The following DNAJC5B variants were observed in gnomAD, a reference collection of about 807,000 sequenced individuals.
The protein encoded by DNAJC5B is dnaJ homolog subfamily C member 5B.
In DNAJC5B, 23 loss-of-function variants were observed where a neutral mutation model predicts 24.7. The observed-to-expected ratio is 0.93, with a 90% CI of 0.67 to 1.32. DNAJC5B has a LOEUF of 1.32. Ranked by LOEUF, DNAJC5B falls within the 40% of genes most tolerant of loss-of-function variation. DNAJC5B has a pLI of 0.00. For synonymous variants in DNAJC5B, 101 were observed against 90.1 expected, an observed-to-expected ratio of 1.12 and a Z score of -0.68; for missense variants, 238 against 240.8, an observed-to-expected ratio of 0.99 and a Z score of 0.08.
upstream of DNAJC5B, among the ~76,000 whole-genome samples, chr8:66,020,713 T>C (rs1806096180): frequency 6.6e-6 from 1 of 151,646 alleles, no homozygotes; most frequent in South Asian, 2.1e-4. Flanking sequence ...TCTCAACTCA[T>C]TGCAGCTTCG....
intron 5 of DNAJC5B, among the ~76,000 whole-genome samples, chr8:66,089,365 A>G (rs1807796854): frequency 6.6e-6 from 1 of 152,202 alleles, no homozygotes; most frequent in Non-Finnish European, 1.5e-5. Flanking sequence ...GAGCCAAACC[A>G]TATCAGTGAC....
chr8:66,037,637 C>T (rs556494625), intron 1 of DNAJC5B, among the ~76,000 whole-genome samples: 6 of 152,292 alleles, frequency 3.9e-5, no homozygotes, highest in Admixed American at 1.3e-4. Context: ...GTCAGCCATA[C>T]GGTTTTGGGA....
At chr8:66,070,806 A>T (rs567980026) in intron 3 of DNAJC5B, among the ~76,000 whole-genome samples, 1 of 152,320 alleles carries the variant, frequency 6.6e-6, no homozygotes, top group East Asian at 1.9e-4. Context: ...AAACTATGCT[A>T]CAAGGCCACA....
intron 4 of DNAJC5B, among the ~76,000 whole-genome samples, chr8:66,078,890 T>C (rs1419898347): frequency 6.6e-6 from 1 of 152,156 alleles, no homozygotes; most frequent in East Asian, 1.9e-4. Flanking sequence ...GCTGTCAACA[T>C]TAAAGATTTC....
intron 4 of DNAJC5B, among the ~76,000 whole-genome samples, chr8:66,080,064 G>A (rs1049836581): frequency 1.3e-5 from 2 of 151,986 alleles, no homozygotes; most frequent in Admixed American, 6.6e-5. Context: ...TTTTTGTCTT[G>A]CTTTGCTCTG....
chr8:66,070,898 C>T (rs753667476), intron 3 of DNAJC5B, among the ~76,000 whole-genome samples: 2 of 152,172 alleles, frequency 1.3e-5, no homozygotes, highest in Non-Finnish European at 2.9e-5. Context: ...AATAGCACCA[C>T]ACATCTACAA....
At chr8:66,067,250 T>C (rs1807241359) in intron 3 of DNAJC5B, among the ~76,000 whole-genome samples, 1 of 133,628 alleles carries the variant, frequency 7.5e-6, no homozygotes, top group Non-Finnish European at 1.5e-5. Flanking sequence ...AAAGAATTAC[T>C]GCTAACTGGG....
At chr8:66,036,901 G>A (rs1485584850) in intron 1 of DNAJC5B, among the ~76,000 whole-genome samples, 1 of 152,212 alleles carries the variant, frequency 6.6e-6, no homozygotes, top group Admixed American at 6.5e-5. Context: ...GGGACCTGTG[G>A]GGCAGCACTC....
chr8:66,075,867 G>A (rs1807450405), intron 3 of DNAJC5B, among the ~76,000 whole-genome samples: 1 of 152,006 alleles, frequency 6.6e-6, no homozygotes, highest in Non-Finnish European at 1.5e-5. Flanking sequence ...TTTACTTCTG[G>A]ACTTACTGTT....
At chr8:66,088,356 G>A (rs1807774726) in intron 5 of DNAJC5B, among the ~76,000 whole-genome samples, 2 of 152,182 alleles carry the variant, frequency 1.3e-5, no homozygotes, top group South Asian at 4.1e-4. Flanking sequence ...TAGGCCTCCA[G>A]GCTTGTGATG....
intron 5 of DNAJC5B, among the ~76,000 whole-genome samples, chr8:66,089,011 A>G (rs949816489): frequency 6.6e-6 from 1 of 152,082 alleles, no homozygotes; most frequent in African/African-American, 2.4e-5. Flanking sequence ...GCCTGTACCA[A>G]TTTTCTGTAT....
At chr8:66,016,215 C>T in the DNAJC5B span, among the ~76,000 whole-genome samples, 9 of 152,170 alleles carry the variant, frequency 5.9e-5, no homozygotes, top group East Asian at 1.2e-3. Context: ...GGCACTAATC[C>T]ATTCATGAGT....
At chr8:66,080,283 C>T (rs999839694) in intron 4 of DNAJC5B, 94 bp from the exon 5 acceptor site, 3 of 1,528,670 alleles carry the variant, frequency 2.0e-6, no homozygotes, top group South Asian at 2.6e-5. Context: ...GTGTTCAGGT[C>T]TCTGGGGGTA....
chr8:66,015,512 AGACTT>A, the DNAJC5B span, among the ~76,000 whole-genome samples: 1 of 151,736 alleles, frequency 6.6e-6, no homozygotes, highest in Non-Finnish European at 1.5e-5. Context: ...TAAATAGAAA[AGACTT>A]GAGAATGTTT....
rs117255622 is a variant in DNAJC5B, at chr8:66,059,593, C to T, written c.119+7927C>T. On this transcript the variant is annotated intron_variant, in intron 3 of 5. Transcript: ENST00000276570. ...GCTTTTTCTCTACATAACCTCAATA[C>T]TCAGGTTCAAGACCCTTTAAAGTGA... 5.9e-3 allele frequency among the ~76,000 whole-genome samples: 906 copies of T among 152,294 alleles called. 22 individuals carry two copies. The East Asian group carries it at 0.072, about 12-fold the overall frequency.
chr8:66,063,869 A>G (rs980859489), intron 3 of DNAJC5B, among the ~76,000 whole-genome samples: 21 of 152,302 alleles, frequency 1.4e-4, no homozygotes, highest in Middle Eastern at 6.8e-3. Flanking sequence ...TCTTTGAGAC[A>G]TATCTTTTCA....
chr8:66,038,325 G>A (rs1474190043), intron 1 of DNAJC5B, among the ~76,000 whole-genome samples: 1 of 152,206 alleles, frequency 6.6e-6, no homozygotes, highest in Admixed American at 6.5e-5. Flanking sequence ...TTAATCTCAG[G>A]AGGGAATCTT....
chr8:66,094,170 T>A (rs987019456), intron 5 of DNAJC5B, among the ~76,000 whole-genome samples: 3 of 152,100 alleles, frequency 2.0e-5, no homozygotes, highest in Admixed American at 6.5e-5. Flanking sequence ...CTTATATAAA[T>A]CTCAAAATCA....
chr8:66,087,739 C>T (rs1201267374), intron 5 of DNAJC5B, among the ~76,000 whole-genome samples: 1 of 152,196 alleles, frequency 6.6e-6, no homozygotes, highest in Admixed American at 6.5e-5. Flanking sequence ...GCTCCAAAAT[C>T]TCCTTTGATT....
Sources: gnomAD v4.1 joint callset for allele counts (sites outside exome capture counted in the v4.1 genomes callset) on GRCh38, gnomAD v4.1.1 for gene constraint, MANE v1.5 for transcripts, NCBI Gene and HGNC (gene_info 2026-07-23, HGNC 2026-07-21) for gene names.